Variants in NOS1AP observed in about 807,000 individuals in gnomAD.
The protein encoded by NOS1AP is nitric oxide synthase 1 adaptor protein.
NOS1AP carries 21 observed loss-of-function variants against 56.2 expected under a neutral mutation model. That is an observed-to-expected ratio of 0.37 (90% CI 0.26 to 0.54). NOS1AP has a LOEUF of 0.54. Among genes scored for constraint, NOS1AP ranks in the 20% least tolerant of loss-of-function variants. NOS1AP has a pLI of 0.84. For synonymous variants in NOS1AP, 270 were observed against 274.6 expected (o/e 0.98, Z 0.17); for missense variants, 522 against 657.8 (o/e 0.79, Z 2.26).
chr1:162,220,255 G>A (rs749641201), intron 2 of NOS1AP, among the ~76,000 whole-genome samples: 3 of 152,172 alleles, frequency 2.0e-5, no homozygotes, highest in Non-Finnish European at 4.4e-5. Context: ...GAGAAATGCT[G>A]TAGGAACTGG....
At chr1:162,135,557 C>A (rs894244081) in intron 1 of NOS1AP, among the ~76,000 whole-genome samples, 2 of 152,140 alleles carry the variant, frequency 1.3e-5, no homozygotes, top group Non-Finnish European at 2.9e-5. Flanking sequence ...GAAGCAGAAG[C>A]CTTCTGCATC....
intron 1 of NOS1AP, among the ~76,000 whole-genome samples, chr1:162,121,637 A>G (rs1231901512): frequency 6.6e-6 from 1 of 152,178 alleles, no homozygotes; most frequent in Non-Finnish European, 1.5e-5. Flanking sequence ...AGACTGTGTA[A>G]GTGCTTAGCA....
At chr1:162,104,763 A>G (rs192492087) in intron 1 of NOS1AP, among the ~76,000 whole-genome samples, 2 of 152,122 alleles carry the variant, frequency 1.3e-5, no homozygotes, top group Admixed American at 6.5e-5. Flanking sequence ...CAGATTGGTT[A>G]TGTTCCTCTC....
chr1:162,359,717 C>T (rs748424880), intron 8 of NOS1AP, among the ~76,000 whole-genome samples: 4 of 139,584 alleles, frequency 2.9e-5, no homozygotes, highest in South Asian at 2.2e-4. Flanking sequence ...GGTTTCTCTA[C>T]GCGGGGGGGG....
chr1:162,190,021 C>T (rs1352623977), intron 2 of NOS1AP, among the ~76,000 whole-genome samples: 3 of 152,286 alleles, frequency 2.0e-5, no homozygotes, highest in Non-Finnish European at 2.9e-5. Flanking sequence ...AGTCCCAGAT[C>T]GTGGAGACCT....
intron 4 of NOS1AP, among the ~76,000 whole-genome samples, chr1:162,304,843 C>T (rs1266546136): frequency 2.7e-5 from 4 of 145,850 alleles, no homozygotes; most frequent in Non-Finnish European, 4.5e-5. Flanking sequence ...ATATATGGTC[C>T]ATTTTATCAT....
chr1:162,133,461 C>G (rs1047720735), intron 1 of NOS1AP, among the ~76,000 whole-genome samples: 6 of 152,202 alleles, frequency 3.9e-5, no homozygotes, highest in Admixed American at 1.3e-4. Context: ...TGAAATCATA[C>G]TCTCTTGCTG....
rs555333668 is a variant in NOS1AP, at chr1:162,248,267, A to G, written c.178-39077A>G. On this transcript the variant is annotated intron_variant, in intron 2 of 9. Transcript: ENST00000361897. ...AAGTACACTGGCAGTTACAATCCCC[A>G]TGAAGTAGAAGAGATAATTGAGACT... is the stretch of plus-strand genomic sequence containing the variant. Among the ~76,000 whole-genome samples, 5 of 152,274 alleles carry G rather than the reference A, an allele frequency of 3.3e-5. No individual in the cohort carries two copies. In the South Asian group the frequency reaches 8.3e-4, roughly 25 times the overall value.
intron 6 of NOS1AP, among the ~76,000 whole-genome samples, chr1:162,352,217 G>A (rs185055044): frequency 4.6e-5 from 7 of 152,152 alleles, no homozygotes; most frequent in East Asian, 1.9e-4. Flanking sequence ...GTACCACCAT[G>A]CCCAGCTAAT....
intron 1 of NOS1AP, among the ~76,000 whole-genome samples, chr1:162,138,794 G>T (rs1333014498): frequency 6.6e-6 from 1 of 152,194 alleles, no homozygotes; most frequent in Non-Finnish European, 1.5e-5. Context: ...TGTGCCAGGG[G>T]TGTTTTACTG....
intron 1 of NOS1AP, among the ~76,000 whole-genome samples, chr1:162,153,932 A>C (rs1649821066): frequency 6.6e-6 from 1 of 152,144 alleles, no homozygotes; most frequent in Admixed American, 6.5e-5. Flanking sequence ...TCTAGGGCTC[A>C]ATCAGTGAAA....
rs780937926 is a variant in NOS1AP at position 162,154,479 on chromosome 1, G to A, written c.177+3G>A. ...TGGCTGCCATGCGCCGGATACGGGT[G>A]AGTGGCCAGAGGTGGACTGTGTGGA... On this transcript the variant is annotated splice_donor_region_variant and intron_variant, in intron 2 of 9. Coordinates refer to ENST00000361897, the MANE Select transcript of NOS1AP (RefSeq NM_014697.3). The A allele has an allele frequency of 1.5e-5, 24 of 1,613,948 alleles. No homozygotes were observed. The South Asian group carries it at 2.4e-4, about 16-fold the overall frequency.
chr1:162,312,228 A>T (rs1453628303), intron 4 of NOS1AP, among the ~76,000 whole-genome samples: 30 of 141,518 alleles, frequency 2.1e-4, no homozygotes, highest in Non-Finnish European at 4.0e-4. Context: ...ATTTCTCCAC[A>T]TCCTCTCCAG....
rs35637289 is a variant in NOS1AP, at chr1:162,255,490, A to ATTTTTTTTTTTTTTTTTTTTTT, written c.178-31840_178-31819dup. ...ATGCATAGGTTATTTGCTGCTGCTGATTTTTTTTTTTTTTTTTTTTTTTTT... is the reference window on the plus strand; with the variant it reads ...ATGCATAGGTTATTTGCTGCTGCTGATTTTTTTTTTTTTTTTTTTTTTTTTTTTTTTTTTTTTTTTTTTTTTT... On this transcript the variant is annotated intron_variant, in intron 2 of 9. Transcript: ENST00000361897. Among the ~76,000 whole-genome samples, 19 of 60,990 alleles carry ATTTTTTTTTTTTTTTTTTTTTT rather than the reference A, an allele frequency of 3.1e-4. 2 individuals carry two copies. Among genetic ancestry groups the ATTTTTTTTTTTTTTTTTTTTTT allele is most frequent in the Non-Finnish European group, 5.0e-4 (14 of 28,170 alleles). The allele number at this position is 60,990 out of a possible 152,430, so 40.0% of individuals were successfully genotyped here. A position where few individuals can be genotyped will look rare whatever the true frequency, so the allele number is the denominator to read the frequency against.
chr1:162,256,748 A>G (rs955559240), intron 2 of NOS1AP, among the ~76,000 whole-genome samples: 4 of 152,200 alleles, frequency 2.6e-5, no homozygotes, highest in African/African-American at 9.7e-5. Context: ...AGAGCAGAGT[A>G]GTTGATGTTG....
chr1:162,308,400 G>C (rs951163724), intron 4 of NOS1AP, among the ~76,000 whole-genome samples: 2 of 152,140 alleles, frequency 1.3e-5, no homozygotes, highest in African/African-American at 4.8e-5. Context: ...AAACAAACCT[G>C]GGGGGCAGGG....
chr1:162,314,545 A>C (rs978316004), intron 4 of NOS1AP, among the ~76,000 whole-genome samples: 1 of 152,226 alleles, frequency 6.6e-6, no homozygotes, highest in Admixed American at 6.5e-5. Context: ...GAATTTGTGC[A>C]AAACATTGAA....
At chr1:162,158,154 C>T (rs1650048059) in intron 2 of NOS1AP, among the ~76,000 whole-genome samples, 1 of 152,178 alleles carries the variant, frequency 6.6e-6, no homozygotes, top group South Asian at 2.1e-4. Flanking sequence ...CACAATTCCC[C>T]TTCCCCCTCT....
chr1:162,263,766 C>T (rs1022515198), intron 2 of NOS1AP, among the ~76,000 whole-genome samples: 2 of 152,136 alleles, frequency 1.3e-5, no homozygotes, highest in Admixed American at 1.3e-4. Flanking sequence ...TTGGATTTCT[C>T]AAAGACACCT....
Sources: gnomAD v4.1 joint callset for allele counts (sites outside exome capture counted in the v4.1 genomes callset) on GRCh38, gnomAD v4.1.1 for gene constraint, MANE v1.5 for transcripts, NCBI Gene and HGNC (gene_info 2026-07-23, HGNC 2026-07-21) for gene names.